The following AGO2 variants were observed in gnomAD, a reference collection of about 807,000 sequenced individuals.
The protein encoded by AGO2 is protein argonaute-2.
A neutral mutation model predicts 102.3 loss-of-function variants in AGO2; 5 were observed. The observed-to-expected ratio is 0.05, with a 90% confidence interval of 0.03 to 0.10. AGO2 has a LOEUF of 0.10. AGO2 is among the 10% of genes least tolerant of loss of function. The pLI is 1.00. For missense variants in AGO2, 541 were observed against 1,183.7 expected, an observed-to-expected ratio of 0.46 and a Z score of 7.97; for synonymous variants, 449 against 473.1, an observed-to-expected ratio of 0.95 and a Z score of 0.66.
chr8:140,610,442 C>T (rs1477560352), intron 1 of AGO2, among the ~76,000 whole-genome samples: 1 of 152,156 alleles, frequency 6.6e-6, no homozygotes, highest in East Asian at 1.9e-4. Flanking sequence ...TGGTATTGAA[C>T]TCCTGACCTC....
chr8:140,539,525 G>C lies in AGO2; in HGVS notation c.2035-71C>G. The C allele has an allele frequency of 2.6e-6, 4 of 1,527,660 alleles. No individual in the cohort carries two copies. The highest frequency in any genetic ancestry group is 3.5e-6 in the Non-Finnish European group (4 of 1,127,782). The allele number at this position is 1,527,660 out of a possible 1,614,324, so 94.6% of individuals were successfully genotyped here. On this transcript the variant is annotated intron_variant, in intron 15 of 18. Coordinates refer to ENST00000220592, the MANE Select transcript of AGO2 (RefSeq NM_012154.5). This position sits in a 1 kb window ranked among gnomAD's most constrained non-coding sequence, Gnocchi z 4.7. ...ATGTGAGCAACGGTCCCACGTGCGGGTTCTGGGTTGAGAACACCCAGCCGT... is the reference window on the plus strand; with the variant it reads ...ATGTGAGCAACGGTCCCACGTGCGGCTTCTGGGTTGAGAACACCCAGCCGT...
intron 13 of AGO2, among the ~76,000 whole-genome samples, chr8:140,544,754 A>G (rs764498481): frequency 4.6e-5 from 7 of 152,178 alleles, no homozygotes; most frequent in Non-Finnish European, 8.8e-5. Flanking sequence ...CACTCACTGG[A>G]TGCCAGTAGC....
rs995523008 is a variant in AGO2 at position 140,589,955 on chromosome 8, C to T, written c.23-4644G>A. On this transcript the variant is annotated intron_variant, in intron 1 of 18. Coordinates refer to ENST00000220592, the MANE Select transcript of AGO2 (RefSeq NM_012154.5). This position sits in a 1 kb window ranked among gnomAD's most constrained non-coding sequence, Gnocchi z 4.2. ...CCTCCCTTATGGCCACCCAAGTTGA[C>T]GCTAAACACAGTCATGGCAGCTTTT... 6.6e-5 allele frequency among the ~76,000 whole-genome samples: 10 copies of T among 152,254 alleles called. No individual in the cohort carries two copies. Among genetic ancestry groups the T allele is most frequent in the Non-Finnish European group, 1.2e-4 (8 of 68,044 alleles).
intron 1 of AGO2, among the ~76,000 whole-genome samples, chr8:140,630,740 T>C (rs1322175723): frequency 6.6e-6 from 1 of 152,232 alleles, no homozygotes; most frequent in African/African-American, 2.4e-5. Context: ...TCCAGTTATC[T>C]TCCGTATTTG....
intron 16 of AGO2, among the ~76,000 whole-genome samples, chr8:140,535,811 G>A (rs2072686415): frequency 6.6e-6 from 1 of 152,278 alleles, no homozygotes; most frequent in Admixed American, 6.5e-5. Flanking sequence ...GAAGGCCCAT[G>A]AGTTAAATGC....
intron 1 of AGO2, among the ~76,000 whole-genome samples, chr8:140,593,491 C>T (rs910758596): frequency 6.7e-5 from 10 of 150,122 alleles, no homozygotes; most frequent in Admixed American, 4.7e-4. Flanking sequence ...TGTGCCCGGC[C>T]GACATACACT....
At chr8:140,623,449 C>T (rs979943336) in intron 1 of AGO2, among the ~76,000 whole-genome samples, 3 of 152,146 alleles carry the variant, frequency 2.0e-5, no homozygotes, top group Admixed American at 6.5e-5. Flanking sequence ...ACACGTCCCC[C>T]GGCACTCCAG....
chr8:140,576,037 G>C (rs2073458542), intron 2 of AGO2, among the ~76,000 whole-genome samples: 1 of 152,142 alleles, frequency 6.6e-6, no homozygotes, highest in African/African-American at 2.4e-5. Flanking sequence ...GAAAAGACAA[G>C]GCCAGGCGCG....
rs904133249 is a variant in AGO2, at chr8:140,524,810, A to C, written c.*7234T>G. On this transcript the variant is annotated 3_prime_UTR_variant, in exon 19 of 19. Coordinates refer to ENST00000220592, the MANE Select transcript of AGO2 (RefSeq NM_012154.5). The stretch of plus-strand genomic sequence containing the variant: ...CCTACACGAGCACCCCGATCTATGA[A>C]GTCGCTTGCACTGTGCCCTGCTGGT... The C allele has an allele frequency of 6.6e-6, 1 of 152,360 alleles. No homozygotes were observed. The highest frequency in any genetic ancestry group is 1.5e-5 in the Non-Finnish European group (1 of 68,212). 9.4% of individuals were successfully genotyped at this position (152,360 alleles called of 1,614,324 possible).
intron 10 of AGO2, among the ~76,000 whole-genome samples, chr8:140,553,391 T>A (rs1473391943): frequency 6.7e-6 from 1 of 149,570 alleles, no homozygotes; most frequent in Non-Finnish European, 1.5e-5. Flanking sequence ...CTCAAACAAG[T>A]TACAAGTTTT....
intron 1 of AGO2, among the ~76,000 whole-genome samples, chr8:140,597,468 C>T (rs58193857): frequency 1.7e-4 from 5 of 28,832 alleles, no homozygotes; most frequent in African/African-American, 4.9e-4. Context: ...GCTGGGTGGC[C>T]CCCCCACCCC....
intron 3 of AGO2, among the ~76,000 whole-genome samples, chr8:140,566,637 C>T (rs1314518789): frequency 1.3e-5 from 2 of 150,910 alleles, no homozygotes; most frequent in Non-Finnish European, 2.9e-5. Context: ...GGAAGGTGTC[C>T]CGCTCTCAGT....
At chr8:140,566,395 A>G (rs2132957406) in intron 3 of AGO2, among the ~76,000 whole-genome samples, 1 of 152,356 alleles carries the variant, frequency 6.6e-6, no homozygotes, top group South Asian at 2.1e-4. Context: ...GTCTTTATCA[A>G]CAGCATGAAA....
rs540313127 is a variant in AGO2, at chr8:140,574,658, T to G, written c.216-1726A>C. ...TGCAAATATGAAGAGCTGGGGTCCC[T>G]GCCTGCCCACAAAGGCCCATGTGAG... On this transcript the variant is annotated intron_variant, in intron 2 of 18. Transcript: ENST00000220592. 3.9e-5 allele frequency among the ~76,000 whole-genome samples: 6 copies of G among 152,206 alleles called. No individual in the cohort carries two copies. In the East Asian group the frequency reaches 1.2e-3, roughly 29 times the overall value.
At chr8:140,560,033 G>C (rs1228918760) in intron 5 of AGO2, among the ~76,000 whole-genome samples, 1 of 152,280 alleles carries the variant, frequency 6.6e-6, no homozygotes, top group East Asian at 1.9e-4. Flanking sequence ...ACAGAGCAGC[G>C]ACTAAGCCTC....
At position 140,532,685 on chromosome 8, in the gene AGO2, T is replaced by C. The variant is rs574657711; in HGVS notation, c.2272-70A>G. The stretch of plus-strand genomic sequence containing the variant: ...TTTAAAAGGATACTGTGGAGAAGAT[T>C]TATATTTGTATTATTAAAAATGCAT... On this transcript the variant is annotated intron_variant, in intron 17 of 18. Transcript: ENST00000220592. 6.7e-5 allele frequency: 98 copies of C among 1,473,062 alleles called. No individual in the cohort carries two copies. The African/African-American group carries it at 1.3e-3, about 19-fold the overall frequency. 91.2% of individuals were successfully genotyped at this position (1,473,062 alleles called of 1,614,324 possible).
intron 2 of AGO2, among the ~76,000 whole-genome samples, chr8:140,584,136 TAAA>T (rs11361657): frequency 3.4e-5 from 4 of 116,992 alleles, no homozygotes; most frequent in Non-Finnish European, 5.2e-5. Flanking sequence ...AGAAACTCAG[TAAA>T]AAAAAAAAAA....
Position 140,633,654 on chromosome 8 carries a change from A to T in AGO2, c.22+1831T>A, listed in dbSNP as rs140549757. The stretch of plus-strand genomic sequence containing the variant: ...CAAGTATGCGGGCAGGTGCTGGTCC[A>T]GTCCAGCCCTAACAGAGACTTCTTA... On this transcript the variant is annotated intron_variant, in intron 1 of 18. Coordinates refer to ENST00000220592, the MANE Select transcript of AGO2 (RefSeq NM_012154.5). 2.2e-3 allele frequency among the ~76,000 whole-genome samples: 335 copies of T among 152,328 alleles called. 3 individuals are homozygous for T. Among genetic ancestry groups the T allele is most frequent in the East Asian group, 5.8e-4 (3 of 5,190 alleles).
At chr8:140,619,591 C>T (rs548340314) in intron 1 of AGO2, among the ~76,000 whole-genome samples, 1 of 152,202 alleles carries the variant, frequency 6.6e-6, no homozygotes, top group African/African-American at 2.4e-5. Context: ...GAGGAGGGAC[C>T]TACCCCCAGG....
Sources: gnomAD v4.1 joint callset for allele counts (sites outside exome capture counted in the v4.1 genomes callset) on GRCh38, gnomAD v4.1.1 for gene constraint, Gnocchi (gnomAD v3.1) non-coding constraint, MANE v1.5 for transcripts, NCBI Gene and HGNC (gene_info 2026-07-23, HGNC 2026-07-21) for gene names.